Variants in ZBTB20 observed in about 807,000 individuals in gnomAD.
The protein encoded by ZBTB20 is zinc finger and BTB domain-containing protein 20.
Under a neutral mutation model 56.9 loss-of-function variants are expected in ZBTB20, and 9 were observed. The observed-to-expected ratio is 0.16, with a 90% CI of 0.10 to 0.28. The LOEUF (loss-of-function observed/expected upper bound fraction) is 0.28, where lower values mean the gene tolerates loss of function less well. Ranked by LOEUF, ZBTB20 falls within the 10% of genes least tolerant of loss-of-function variation. ZBTB20 has a pLI of 1.00. For synonymous variants in ZBTB20, 417 were observed against 420.7 expected (o/e 0.99, Z 0.11); for missense variants, 655 against 1,003.0 (o/e 0.65, Z 4.69).
chr3:115,094,542 C>CTT (rs1354942721), intron 1 of ZBTB20, among the ~76,000 whole-genome samples: 3 of 140,728 alleles, frequency 2.1e-5, no homozygotes, highest in African/African-American at 7.8e-5. Context: ...CTAGTAATAG[C>CTT]TTTTTTTTTT....
At chr3:115,104,018 C>G (rs1347615702) in intron 1 of ZBTB20, among the ~76,000 whole-genome samples, 3 of 152,028 alleles carry the variant, frequency 2.0e-5, no homozygotes, top group Non-Finnish European at 4.4e-5. Context: ...AATATTATAA[C>G]CTGATTAAAA....
chr3:114,509,030 A>G (rs572190528), intron 6 of ZBTB20, among the ~76,000 whole-genome samples: 2 of 152,172 alleles, frequency 1.3e-5, no homozygotes, highest in Non-Finnish European at 2.9e-5. Flanking sequence ...CTTCATAATG[A>G]ATGGAACAGT....
At chr3:114,765,630 T>C (rs1292342629) in intron 5 of ZBTB20, among the ~76,000 whole-genome samples, 1 of 152,138 alleles carries the variant, frequency 6.6e-6, no homozygotes, top group Non-Finnish European at 1.5e-5. Context: ...TGATATTCTA[T>C]TATGGCAGCC....
chr3:114,904,667 A>G (rs1221051923), intron 3 of ZBTB20, among the ~76,000 whole-genome samples: 2 of 151,974 alleles, frequency 1.3e-5, no homozygotes, highest in Non-Finnish European at 2.9e-5. Flanking sequence ...GAAGAGTAAG[A>G]ACTATAAATT....
rs146057079 is a variant in ZBTB20 at position 114,484,798 on chromosome 3, A to AGTGTGTGTGT, written c.-255+15544_-255+15553dup. Among the ~76,000 whole-genome samples, 368 of 150,592 alleles carry AGTGTGTGTGT rather than the reference A, an allele frequency of 2.4e-3. 1 individual carries two copies. The highest frequency in any genetic ancestry group is 7.4e-3 in the African/African-American group (305 of 41,126). On this transcript the variant is annotated intron_variant, in intron 7 of 11. Coordinates refer to ENST00000675478, the MANE Select transcript of ZBTB20 (RefSeq NM_001348800.3). ...GCAGGAGAAAAGCTCATATCAATAG[A>AGTGTGTGTGT]GTGTGTGTGTGTGTGTGTGTGCGCG...
At chr3:114,705,464 A>G (rs1461898714) in intron 5 of ZBTB20, among the ~76,000 whole-genome samples, 1 of 152,178 alleles carries the variant, frequency 6.6e-6, no homozygotes, top group African/African-American at 2.4e-5. Context: ...TTTGCAAAGG[A>G]TTATGGCAAA....
intron 7 of ZBTB20, among the ~76,000 whole-genome samples, chr3:114,418,442 C>T (rs1383686832): frequency 3.3e-5 from 5 of 151,968 alleles, no homozygotes; most frequent in Admixed American, 1.3e-4. Flanking sequence ...CATACATTCA[C>T]TTAGTGATAT....
intron 3 of ZBTB20, among the ~76,000 whole-genome samples, chr3:114,964,979 G>A (rs1236655966): frequency 6.6e-6 from 1 of 152,094 alleles, no homozygotes; most frequent in Non-Finnish European, 1.5e-5. Context: ...AAGAATTTGT[G>A]CCATGTGGAA....
At chr3:114,855,252 A>G (rs925171559) in intron 4 of ZBTB20, among the ~76,000 whole-genome samples, 6 of 152,210 alleles carry the variant, frequency 3.9e-5, no homozygotes, top group Non-Finnish European at 7.3e-5. Flanking sequence ...TAATTATTTA[A>G]TGGAGGTCTT....
chr3:115,008,997 G>A (rs1295897902), intron 2 of ZBTB20, among the ~76,000 whole-genome samples: 1 of 151,814 alleles, frequency 6.6e-6, no homozygotes, highest in Non-Finnish European at 1.5e-5. Flanking sequence ...AGGAAACTTA[G>A]TATGTGTGTA....
At chr3:114,774,637 G>A (rs1178127656) in intron 5 of ZBTB20, among the ~76,000 whole-genome samples, 1 of 152,032 alleles carries the variant, frequency 6.6e-6, no homozygotes, top group Non-Finnish European at 1.5e-5. Context: ...TAAAGGGGGT[G>A]GATAACAAAT....
At chr3:114,872,469 A>G (rs2076049585) in intron 4 of ZBTB20, among the ~76,000 whole-genome samples, 2 of 152,124 alleles carry the variant, frequency 1.3e-5, no homozygotes, top group South Asian at 2.1e-4. Context: ...GTAAAAGCAC[A>G]TAAGAAAGAG....
intron 4 of ZBTB20, among the ~76,000 whole-genome samples, chr3:114,890,766 T>A (rs551848339): frequency 2.0e-5 from 3 of 152,072 alleles, no homozygotes; most frequent in South Asian, 2.1e-4. Context: ...GGAAGAAAAA[T>A]AATAATAATA....
chr3:115,076,008 A>C (rs2082581889), intron 1 of ZBTB20, among the ~76,000 whole-genome samples: 2 of 152,190 alleles, frequency 1.3e-5, no homozygotes, highest in South Asian at 4.1e-4. Context: ...AAAAAATTGG[A>C]AAAACATTCC....
At chr3:115,006,478 T>G (rs72960380) in intron 2 of ZBTB20, among the ~76,000 whole-genome samples, 1 of 151,554 alleles carries the variant, frequency 6.6e-6, no homozygotes, top group African/African-American at 2.4e-5. Context: ...TATATATATA[T>G]ATAACCATTT....
chr3:114,998,477 T>C (rs182660886), intron 2 of ZBTB20, among the ~76,000 whole-genome samples: 2 of 151,880 alleles, frequency 1.3e-5, no homozygotes, highest in East Asian at 3.9e-4. Context: ...TGGCAGACTG[T>C]TTCATGTTTC....
intron 6 of ZBTB20, among the ~76,000 whole-genome samples, chr3:114,614,206 T>G (rs2057758691): frequency 6.6e-6 from 1 of 152,186 alleles, no homozygotes; most frequent in South Asian, 2.1e-4. Context: ...GAGAAATGAT[T>G]TAAGGATATT....
chr3:115,123,959 C>T (rs1373565446), intron 1 of ZBTB20, among the ~76,000 whole-genome samples: 1 of 152,110 alleles, frequency 6.6e-6, no homozygotes, highest in Non-Finnish European at 1.5e-5. Context: ...AACAAGCTAC[C>T]AAGCCACCTG....
intron 7 of ZBTB20, among the ~76,000 whole-genome samples, chr3:114,399,066 CA>C (rs2086585931): frequency 6.6e-6 from 1 of 152,082 alleles, no homozygotes; most frequent in Non-Finnish European, 1.5e-5. Flanking sequence ...CTGAGTTTTT[CA>C]GATTAGATGT....
Sources: gnomAD v4.1 joint callset for allele counts (sites outside exome capture counted in the v4.1 genomes callset) on GRCh38, gnomAD v4.1.1 for gene constraint, MANE v1.5 for transcripts, NCBI Gene and HGNC (gene_info 2026-07-23, HGNC 2026-07-21) for gene names.